WRN: variants seen among roughly 807,000 people sequenced by gnomAD.
WRN encodes the protein WRN RecQ like helicase.
In WRN, 149 loss-of-function variants were observed where a neutral mutation model predicts 180.7. That is an observed-to-expected ratio of 0.82 (90% CI 0.72 to 0.94). The LOEUF is 0.94. Ranked by LOEUF, WRN falls within the 40% of genes least tolerant of loss-of-function variation. The pLI, the probability that WRN is intolerant of heterozygous loss-of-function variation, is 0.00. For synonymous variants in WRN, 548 were observed against 568.9 expected, an observed-to-expected ratio of 0.96 and a Z score of 0.52; for missense variants, 1,661 against 1,700.1, an observed-to-expected ratio of 0.98 and a Z score of 0.40.
At position 31,172,395 on chromosome 8, in the gene WRN, T is replaced by C. The variant is rs79132758; in HGVS notation, c.4192-600T>C. ...TGCTGAAATGTGTGTGAAAGTGTTG[T>C]GCACGTGTATGTTTCTCTTTTTTTC... On this transcript the variant is annotated intron_variant, in intron 34 of 34. Transcript: ENST00000298139. 2.7e-3 allele frequency among the ~76,000 whole-genome samples: 412 copies of C among 152,314 alleles called. 2 individuals are homozygous for C. The highest frequency in any genetic ancestry group is 9.0e-3 in the African/African-American group (376 of 41,564).
intron 27 of WRN, 93 bp downstream of exon 27, chr8:31,142,794 G>A (rs1424495102): frequency 1.9e-5 from 22 of 1,167,554 alleles, no homozygotes; most frequent in Non-Finnish European, 2.6e-5. Context: ...TCCAATTAAA[G>A]AGAAAATGGC....
chr8:31,171,798 A>G lies in WRN; in HGVS notation c.4192-1197A>G, dbSNP rs1334459504. Among the ~76,000 whole-genome samples the G allele has an allele frequency of 2.6e-5, 4 of 152,322 alleles. No individual in the cohort carries two copies. In the East Asian group the frequency reaches 5.8e-4, roughly 22 times the overall value. On this transcript the variant is annotated intron_variant, in intron 34 of 34. Transcript: ENST00000298139. ...AGCCTTTTTTAAACATAGGGAATAT[A>G]ATCAAACATAGCAAGCAGCTGATGA...
intron 30 of WRN, 34 bp from the exon 31 acceptor site, chr8:31,150,306 CT>C (rs2130453526): frequency 6.5e-7 from 1 of 1,530,272 alleles, no homozygotes. Flanking sequence ...GTTTCTTGAC[CT>C]TTTTGTTGTT....
chr8:31,084,914 G>T (rs1029519042), intron 10 of WRN, among the ~76,000 whole-genome samples: 8 of 151,638 alleles, frequency 5.3e-5, no homozygotes, highest in African/African-American at 1.7e-4. Flanking sequence ...TTTAGAGCAG[G>T]GATTTTATTT....
intron 31 of WRN, among the ~76,000 whole-genome samples, chr8:31,152,739 T>C (rs1399983477): frequency 6.6e-6 from 1 of 152,204 alleles, no homozygotes; most frequent in Non-Finnish European, 1.5e-5. Flanking sequence ...CTTAAGGCAC[T>C]ATCAGAAGTT....
intron 14 of WRN, 46 bp downstream of exon 14, chr8:31,090,578 A>T: frequency 6.4e-7 from 1 of 1,554,118 alleles, no homozygotes; most frequent in Non-Finnish European, 8.8e-7. Flanking sequence ...AAAATAAAAC[A>T]TAAAGAGTTT....
At position 31,059,883 on chromosome 8, in the gene WRN, C is replaced by T. The variant is rs370121465; in HGVS notation, c.209+618C>T. The stretch of plus-strand genomic sequence containing the variant: ...CATCCCGGCTAACATGGTGAAACAC[C>T]GTCTCTACTAAAAATACAAAAAATT... On this transcript the variant is annotated intron_variant, in intron 3 of 34. Coordinates refer to ENST00000298139, the MANE Select transcript of WRN (RefSeq NM_000553.6). 5.3e-4 allele frequency among the ~76,000 whole-genome samples: 80 copies of T among 152,062 alleles called. 1 individual carries two copies. The highest frequency in any genetic ancestry group is 1.8e-3 in the African/African-American group (76 of 41,482).
intron 9 of WRN, among the ~76,000 whole-genome samples, chr8:31,083,253 A>G (rs139568442): frequency 1.3e-3 from 193 of 152,368 alleles, no homozygotes; most frequent in Non-Finnish European, 2.0e-3. Flanking sequence ...TGATTTATTT[A>G]AAGATATTAC....
chr8:31,166,193 C>G (rs1227839642), intron 33 of WRN, among the ~76,000 whole-genome samples: 1 of 152,070 alleles, frequency 6.6e-6, no homozygotes, highest in Non-Finnish European at 1.5e-5. Flanking sequence ...TACTTGATTT[C>G]TGATCACTGA....
intron 17 of WRN, 93 bp downstream of exon 17, chr8:31,096,943 G>C: frequency 5.8e-6 from 7 of 1,216,218 alleles, no homozygotes; most frequent in Non-Finnish European, 8.4e-6. Context: ...TTCTGTTAAA[G>C]TTTATTTCAA....
chr8:31,078,601 G>A (rs1422578413), intron 8 of WRN, among the ~76,000 whole-genome samples: 4 of 152,120 alleles, frequency 2.6e-5, no homozygotes, highest in Admixed American at 2.6e-4. Flanking sequence ...AAAATAGAAC[G>A]GTTTGAAGTT....
intron 16 of WRN, among the ~76,000 whole-genome samples, chr8:31,092,541 A>G (rs1004389621): frequency 6.6e-6 from 1 of 151,858 alleles, no homozygotes; most frequent in African/African-American, 2.4e-5. Flanking sequence ...ATATATATGC[A>G]TGTTCTAATT....
At chr8:31,162,242 CCTT>C (rs1333068618) in intron 33 of WRN, among the ~76,000 whole-genome samples, 2 of 152,056 alleles carry the variant, frequency 1.3e-5, no homozygotes, top group Non-Finnish European at 1.5e-5. Flanking sequence ...TTCTTTATAT[CCTT>C]CTTCTCTAAG....
At chr8:31,034,552 T>C (rs1159393177) in intron 1 of WRN, among the ~76,000 whole-genome samples, 1 of 152,112 alleles carries the variant, frequency 6.6e-6, no homozygotes, top group African/African-American at 2.4e-5. Flanking sequence ...TACATTTCTT[T>C]TTAGGGGTGG....
At chr8:31,128,478 G>T (rs1802013537) in intron 23 of WRN, among the ~76,000 whole-genome samples, 1 of 152,130 alleles carries the variant, frequency 6.6e-6, no homozygotes, top group Admixed American at 6.5e-5. Flanking sequence ...TAACCTTTCA[G>T]CACTCTTAGA....
chr8:31,099,576 T>C (rs879265633), intron 17 of WRN, among the ~76,000 whole-genome samples: 5 of 151,570 alleles, frequency 3.3e-5, no homozygotes, highest in Admixed American at 1.3e-4. Context: ...TTTGTTTTTT[T>C]TTTTTGTCTT....
intron 28 of WRN, among the ~76,000 whole-genome samples, chr8:31,146,739 A>G (rs888463904): frequency 6.6e-6 from 1 of 152,202 alleles, no homozygotes; most frequent in Non-Finnish European, 1.5e-5. Context: ...TGTCATCTTC[A>G]GTATGGATGA....
In WRN at chr8:31,048,857, T is replaced by C. The variant is rs1585391569; in HGVS notation, c.-76-9515T>C. 2.6e-5 allele frequency among the ~76,000 whole-genome samples: 4 copies of C among 152,314 alleles called. No homozygotes were observed. In the South Asian group the frequency reaches 6.2e-4, roughly 24 times the overall value. The stretch of plus-strand genomic sequence containing the variant: ...TGTCAGAATATTTGAAAAACACTTA[T>C]TAATCCAGTCTTGTAACTTATCCTT... On this transcript the variant is annotated intron_variant, in intron 1 of 34. Transcript: ENST00000298139.
At chr8:31,034,794 A>C (rs1023081555) in intron 1 of WRN, among the ~76,000 whole-genome samples, 1 of 152,136 alleles carries the variant, frequency 6.6e-6, no homozygotes, top group Admixed American at 6.5e-5. Context: ...AAAGTTGGTC[A>C]GGAATTGTTA....
Sources: gnomAD v4.1 joint callset for allele counts (sites outside exome capture counted in the v4.1 genomes callset) on GRCh38, gnomAD v4.1.1 for gene constraint, MANE v1.5 for transcripts, NCBI Gene and HGNC (gene_info 2026-07-23, HGNC 2026-07-21) for gene names.